The following AP3S2 variants were observed in gnomAD, a reference collection of about 807,000 sequenced individuals.
The protein encoded by AP3S2 is AP-3 complex subunit sigma-2.
Under a neutral mutation model 23.4 loss-of-function variants are expected in AP3S2, and 22 were observed. The observed-to-expected ratio is 0.94, with a 90% confidence interval of 0.67 to 1.34. The LOEUF (loss-of-function observed/expected upper bound fraction) is 1.34, where lower values mean the gene tolerates loss of function less well. AP3S2 is among the 40% of genes most tolerant of loss of function. The probability of loss-of-function intolerance (pLI) is 0.00; values close to 1 mark genes in which losing one functional copy is unlikely to be tolerated. For missense variants in AP3S2, 241 were observed against 236.9 expected (o/e 1.02, Z -0.11); for synonymous variants, 86 against 87.1 (o/e 0.99, Z 0.07).
rs1264475269 is a variant in AP3S2, at chr15:89,893,899, G to A, written c.51C>T (p.Val17=). The A allele has an allele frequency of 6.4e-7, 1 of 1,551,596 alleles. No individual in the cohort carries two copies. Among genetic ancestry groups the A allele is most frequent in the East Asian group, 2.4e-5 (1 of 40,936 alleles). Residue 17 remains valine (V), a synonymous_variant, in exon 1 of 6, where the codon GTC becomes GTT. Coordinates refer to ENST00000336418, the MANE Select transcript of AP3S2 (RefSeq NM_005829.5). The part of the protein sequence containing the change: ...VFNNHGKPRL[V]RFYQRFPEEI... Reference sequence around the variant, plus strand: ...CACTCACGAAACGCTGGTAGAAGCGGACTAGCCGTGGCTTCCCATGGTTGT... The same window carrying A: ...CACTCACGAAACGCTGGTAGAAGCGAACTAGCCGTGGCTTCCCATGGTTGT...
At chr15:89,880,172 T>C (rs1380534350) in intron 3 of AP3S2, among the ~76,000 whole-genome samples, 1 of 151,864 alleles carries the variant, frequency 6.6e-6, no homozygotes, top group Non-Finnish European at 1.5e-5. Context: ...AAAAGAAACT[T>C]TAATGTAAGA....
At chr15:89,872,360 G>A (rs1312826922) in intron 3 of AP3S2, among the ~76,000 whole-genome samples, 1 of 151,960 alleles carries the variant, frequency 6.6e-6, no homozygotes, top group African/African-American at 2.4e-5. Flanking sequence ...TAATTGACGT[G>A]TTTACAACTT....
At chr15:89,853,317 A>G (rs1895706434) in intron 4 of AP3S2, among the ~76,000 whole-genome samples, 9 of 152,254 alleles carry the variant, frequency 5.9e-5, no homozygotes, top group Admixed American at 5.9e-4. Context: ...CTAAGCAATT[A>G]TTCACTAATT....
intron 4 of AP3S2, among the ~76,000 whole-genome samples, chr15:89,839,848 C>CT (rs541001343): frequency 0.023 from 3,258 of 144,772 alleles, 74 homozygotes; most frequent in African/African-American, 0.055. Context: ...GAAAAGAATT[C>CT]TTTTTTTTTT....
intron 4 of AP3S2, among the ~76,000 whole-genome samples, chr15:89,844,300 TTTCTTTCCTTCCTTCC>T (rs372465971): frequency 0.054 from 7,984 of 148,914 alleles, 310 homozygotes; most frequent in Middle Eastern, 0.072. Flanking sequence ...TCTTTACTTT[TTTCTTTCCTTCCTTCC>T]TTCTTTCCTT....
rs1272936868 is a variant in AP3S2, at chr15:89,835,558, C to T, written c.539G>A (p.Gly180Asp). 8 of 1,613,988 alleles carry T rather than the reference C, an allele frequency of 5.0e-6. No homozygotes were observed. The Middle Eastern group carries it at 4.9e-4, about 100-fold the overall frequency. The change falls in exon 6 of 6, where the codon GGC becomes GAC. Residue 180 changes from glycine to aspartate, a missense_variant. Gly to Asp is a moderately conservative substitution (Grantham distance 94). Transcript: ENST00000336418. The stretch of plus-strand genomic sequence containing the variant: ...GTTGGGAACTTTGATGTTGAGATCG[C>T]CAATGTTGATGTTCCGAGGAATCTC... Reference protein sequence around the residue: ...LPEIPRNINIGDLNIKVPNLS... With the variant: ...LPEIPRNINIDDLNIKVPNLS...
intron 4 of AP3S2, among the ~76,000 whole-genome samples, chr15:89,859,748 T>C (rs1895966268): frequency 6.9e-6 from 1 of 144,536 alleles, no homozygotes; most frequent in Non-Finnish European, 1.5e-5. Flanking sequence ...ATTTAAGAAA[T>C]CATTATTGCT....
chr15:89,866,606 C>T (rs1429988014), intron 4 of AP3S2, among the ~76,000 whole-genome samples: 1 of 151,834 alleles, frequency 6.6e-6, no homozygotes, highest in Non-Finnish European at 1.5e-5. Flanking sequence ...CTGTCTCAGC[C>T]TCCTGAGTAG....
At chr15:89,848,898 GGAA>G (rs1315521472) in intron 4 of AP3S2, 2 of 152,124 alleles carry the variant, frequency 1.3e-5, no homozygotes, top group Admixed American at 6.5e-5. Context: ...AATGAAAAGA[GGAA>G]GAAGATATCT....
At chr15:89,866,079 T>C (rs189085929) in intron 4 of AP3S2, among the ~76,000 whole-genome samples, 6 of 151,868 alleles carry the variant, frequency 4.0e-5, no homozygotes, top group African/African-American at 1.4e-4. Flanking sequence ...CTGACAGATA[T>C]GATGAAACCC....
Position 89,862,272 on chromosome 15 carries a change from A to C in AP3S2, c.345+9203T>G, listed in dbSNP as rs184137805. Reference sequence around the variant, plus strand: ...TGAGATTTAAAAAAAGATCTAAAGGACATTTCTGGGACAATTGGGAAACTT... The same window carrying C: ...TGAGATTTAAAAAAAGATCTAAAGGCCATTTCTGGGACAATTGGGAAACTT... On this transcript the variant is annotated intron_variant, in intron 4 of 5. Coordinates refer to ENST00000336418, the MANE Select transcript of AP3S2 (RefSeq NM_005829.5). 6.4e-4 allele frequency among the ~76,000 whole-genome samples: 98 copies of C among 152,332 alleles called. No individual in the cohort carries two copies. The South Asian group carries it at 0.012, about 19-fold the overall frequency.
intron 4 of AP3S2, among the ~76,000 whole-genome samples, chr15:89,859,387 T>C (rs199786103): frequency 1.4e-5 from 1 of 73,540 alleles, no homozygotes; most frequent in Non-Finnish European, 2.8e-5. Flanking sequence ...CCTTCCTTCC[T>C]TTTCTTTCTT....
At chr15:89,873,281 GTCT>G (rs199873746) in intron 3 of AP3S2, among the ~76,000 whole-genome samples, 4,413 of 144,812 alleles carry the variant, frequency 0.03, 82 homozygotes, top group Non-Finnish European at 0.042. Flanking sequence ...ACCTCTGTCT[GTCT>G]TCTTTTTTTT....
chr15:89,871,251 T>A (rs1236525313), intron 4 of AP3S2, among the ~76,000 whole-genome samples: 1 of 152,180 alleles, frequency 6.6e-6, no homozygotes, highest in Non-Finnish European at 1.5e-5. Flanking sequence ...AACCACGATA[T>A]AGGCCTAGTA....
intron 1 of AP3S2, among the ~76,000 whole-genome samples, chr15:89,890,014 A>AG (rs1446163846): frequency 6.6e-6 from 1 of 152,198 alleles, no homozygotes; most frequent in Admixed American, 6.5e-5. Context: ...AGTATTATTG[A>AG]GAAAAATAGA....
chr15:89,867,938 C>A (rs958358511), intron 4 of AP3S2, among the ~76,000 whole-genome samples: 1 of 147,708 alleles, frequency 6.8e-6, no homozygotes, highest in Non-Finnish European at 1.5e-5. Flanking sequence ...GTCAGCCCCC[C>A]ACCCGGCCAG....
intron 4 of AP3S2, among the ~76,000 whole-genome samples, chr15:89,838,854 G>A (rs1895258232): frequency 6.6e-6 from 1 of 152,148 alleles, no homozygotes; most frequent in Non-Finnish European, 1.5e-5. Context: ...TTCAGCTGGT[G>A]TATGGGCAGG....
chr15:89,866,264 A>AAG (rs1896117586), intron 4 of AP3S2, among the ~76,000 whole-genome samples: 1 of 150,142 alleles, frequency 6.7e-6, no homozygotes, highest in Non-Finnish European at 1.5e-5. Flanking sequence ...TCCGTCTCAA[A>AAG]AAAAAAAAAA....
At chr15:89,888,009 C>T (rs904847095) in intron 3 of AP3S2, among the ~76,000 whole-genome samples, 2 of 152,196 alleles carry the variant, frequency 1.3e-5, no homozygotes, top group African/African-American at 2.4e-5. Context: ...ATGTACATGT[C>T]TGGCCTGTTG....
Sources: gnomAD v4.1 joint callset for allele counts (sites outside exome capture counted in the v4.1 genomes callset) on GRCh38, gnomAD v4.1.1 for gene constraint, MANE v1.5 for transcripts, NCBI Gene and HGNC (gene_info 2026-07-23, HGNC 2026-07-21) for gene names.